JPH3: variants seen among roughly 807,000 people sequenced by gnomAD.
JPH3 encodes junctophilin-3.
Under a neutral mutation model 59.6 loss-of-function variants are expected in JPH3, and 11 were observed. The ratio of observed to expected loss-of-function variants is 0.18; its 90% confidence interval spans 0.12 to 0.31. JPH3 has a LOEUF of 0.31. Among genes scored for constraint, JPH3 ranks in the 10% least tolerant of loss-of-function variants. The pLI is 1.00. For missense variants in JPH3, 1,202 were observed against 1,105.7 expected (o/e 1.09, Z -1.24); for synonymous variants, 673 against 483.6 (o/e 1.39, Z -5.14).
At chr16:87,635,361 G>C (rs1567591192) in intron 1 of JPH3, among the ~76,000 whole-genome samples, 1 of 152,190 alleles carries the variant, frequency 6.6e-6, no homozygotes, top group Non-Finnish European at 1.5e-5. Flanking sequence ...CTGACGGGTG[G>C]GGCTTCAGAG....
intron 2 of JPH3, among the ~76,000 whole-genome samples, chr16:87,667,676 G>A (rs919429094): frequency 6.6e-6 from 1 of 152,202 alleles, no homozygotes; most frequent in Non-Finnish European, 1.5e-5. Flanking sequence ...TGAAGATGAA[G>A]GGGTTAGATC....
At chr16:87,631,960 C>T (rs2031578718) in intron 1 of JPH3, among the ~76,000 whole-genome samples, 1 of 152,172 alleles carries the variant, frequency 6.6e-6, no homozygotes, top group Non-Finnish European at 1.5e-5. Context: ...TCTTCTCCCA[C>T]CTGCTGCATT....
intron 1 of JPH3, among the ~76,000 whole-genome samples, chr16:87,616,660 G>C (rs1054180146): frequency 6.6e-6 from 1 of 152,120 alleles, no homozygotes; most frequent in Non-Finnish European, 1.5e-5. Flanking sequence ...GGTCTCTCCC[G>C]AGGTGGCATC....
At chr16:87,636,741 G>C (rs949562543) in intron 1 of JPH3, among the ~76,000 whole-genome samples, 5 of 152,212 alleles carry the variant, frequency 3.3e-5, no homozygotes, top group African/African-American at 7.2e-5. Context: ...TTGCAAACAC[G>C]GGGCAGGAAA....
chr16:87,655,805 C>T (rs1262349999), intron 2 of JPH3, among the ~76,000 whole-genome samples: 1 of 152,248 alleles, frequency 6.6e-6, no homozygotes, highest in Non-Finnish European at 1.5e-5. Flanking sequence ...ATGGTCCCTG[C>T]GTCTGCTCTG....
chr16:87,664,151 G>A (rs1450459374), intron 2 of JPH3, among the ~76,000 whole-genome samples: 1 of 151,762 alleles, frequency 6.6e-6, no homozygotes, highest in Non-Finnish European at 1.5e-5. Flanking sequence ...CTAACACGGT[G>A]AAACCTCGTC....
intron 2 of JPH3, among the ~76,000 whole-genome samples, chr16:87,683,538 T>A (rs1350159813): frequency 6.6e-6 from 1 of 152,050 alleles, no homozygotes; most frequent in East Asian, 1.9e-4. Flanking sequence ...ACTCCTGACC[T>A]CATGATCTGC....
rs368212762 is a variant in JPH3 at position 87,624,309 on chromosome 16, C to G, written c.383-19949C>G. 4.6e-5 allele frequency among the ~76,000 whole-genome samples: 7 copies of G among 152,342 alleles called. No individual in the cohort carries two copies. The East Asian group carries it at 1.3e-3, about 29-fold the overall frequency. ...AGAAGAAACCCTCTAGCTAGCTACC[C>G]CTTCCCCATTCCCACGGCTCCCCAC... On this transcript the variant is annotated intron_variant, in intron 1 of 4. Coordinates refer to ENST00000284262, the MANE Select transcript of JPH3 (RefSeq NM_020655.4).
intron 1 of JPH3, among the ~76,000 whole-genome samples, chr16:87,609,271 T>C (rs965105065): frequency 2.6e-5 from 4 of 152,180 alleles, no homozygotes; most frequent in African/African-American, 7.2e-5. Context: ...TTTATTTATT[T>C]ATTTATCTGT....
chr16:87,620,486 GGA>G (rs147963320), intron 1 of JPH3, among the ~76,000 whole-genome samples: 3,031 of 134,778 alleles, frequency 0.022, 87 homozygotes, highest in East Asian at 0.11. Context: ...GAGAAGAGAG[GGA>G]GAGGGGGAGG....
At chr16:87,620,593 C>G (rs532886870) in intron 1 of JPH3, among the ~76,000 whole-genome samples, 4 of 151,884 alleles carry the variant, frequency 2.6e-5, no homozygotes, top group Non-Finnish European at 5.9e-5. Flanking sequence ...GGGGGACGTG[C>G]GTTGTTCCTC....
intron 1 of JPH3, among the ~76,000 whole-genome samples, chr16:87,606,355 A>G (rs1237887984): frequency 6.6e-6 from 1 of 152,256 alleles, no homozygotes; most frequent in African/African-American, 2.4e-5. Context: ...CGTATTCCAC[A>G]TGTAGCTGGA....
intron 2 of JPH3, among the ~76,000 whole-genome samples, chr16:87,681,096 T>C (rs770644160): frequency 2.0e-5 from 3 of 152,184 alleles, no homozygotes; most frequent in Non-Finnish European, 4.4e-5. Flanking sequence ...AGGAGTCAGG[T>C]GCACACAGTG....
In JPH3 at chr16:87,680,502, G is replaced by T. The variant is rs143445774; in HGVS notation, c.1161-3640G>T. Among the ~76,000 whole-genome samples the T allele has an allele frequency of 4.2e-4, 64 of 152,366 alleles. No individual in the cohort carries two copies. The East Asian group carries it at 0.012, about 29-fold the overall frequency. On this transcript the variant is annotated intron_variant, in intron 2 of 4. Coordinates refer to ENST00000284262, the MANE Select transcript of JPH3 (RefSeq NM_020655.4). ...GGAGCCTCGCATGCAGGGCCAGGCA[G>T]GGCAAGAACGATCGCGACCTTTTCC...
chr16:87,618,698 A>G lies in JPH3; in HGVS notation c.382+15170A>G, dbSNP rs1597238726. Reference sequence around the variant, plus strand: ...TTGGTTGCAGCCACTTCTGGGATGGATTTCCTGGAGGCTGGTGCTGAGTCT... The same window carrying G: ...TTGGTTGCAGCCACTTCTGGGATGGGTTTCCTGGAGGCTGGTGCTGAGTCT... On this transcript the variant is annotated intron_variant, in intron 1 of 4. Transcript: ENST00000284262. Among the ~76,000 whole-genome samples the G allele has an allele frequency of 2.6e-5, 4 of 152,160 alleles. No homozygotes were observed. In the East Asian group the frequency reaches 5.8e-4, roughly 22 times the overall value.
intron 2 of JPH3, among the ~76,000 whole-genome samples, chr16:87,656,547 GCT>G (rs2150855273): frequency 6.6e-6 from 1 of 152,216 alleles, no homozygotes; most frequent in African/African-American, 2.4e-5. Context: ...CAGTTTCCAG[GCT>G]TGATCTTGCA....
chr16:87,689,532 G>A (rs1290995083), intron 3 of JPH3, 114 bp from the exon 4 acceptor site: 1 of 1,138,206 alleles, frequency 8.8e-7, no homozygotes, highest in Non-Finnish European at 1.3e-6. Flanking sequence ...TCGGTGAGTG[G>A]GAAGCGCCTC....
intron 1 of JPH3, among the ~76,000 whole-genome samples, chr16:87,614,890 C>T: frequency 8.2e-6 from 1 of 122,114 alleles, no homozygotes; most frequent in African/African-American, 3.3e-5. Context: ...CCGCGCGTCC[C>T]CTCCCGGGAT....
intron 2 of JPH3, among the ~76,000 whole-genome samples, chr16:87,676,689 A>T (rs1172438443): frequency 2.0e-5 from 3 of 151,278 alleles, no homozygotes; most frequent in Non-Finnish European, 2.9e-5. Flanking sequence ...AGCTGAGATC[A>T]CACCACTGTA....
Sources: gnomAD v4.1 joint callset for allele counts (sites outside exome capture counted in the v4.1 genomes callset) on GRCh38, gnomAD v4.1.1 for gene constraint, MANE v1.5 for transcripts, NCBI Gene and HGNC (gene_info 2026-07-23, HGNC 2026-07-21) for gene names.